ADAMTS17: variants seen among roughly 807,000 people sequenced by gnomAD.
ADAMTS17 encodes A disintegrin and metalloproteinase with thrombospondin motifs 17.
ADAMTS17 carries 113 observed loss-of-function variants against 141.5 expected under a neutral mutation model. The observed-to-expected ratio is 0.80, with a 90% confidence interval of 0.69 to 0.93. The LOEUF is 0.93. ADAMTS17 is among the 40% of genes least tolerant of loss of function. ADAMTS17 has a pLI of 0.00. For missense variants in ADAMTS17, 1,659 were observed against 1,517.9 expected, an observed-to-expected ratio of 1.09 and a Z score of -1.54; for synonymous variants, 768 against 630.6, an observed-to-expected ratio of 1.22 and a Z score of -3.27.
intron 7 of ADAMTS17, among the ~76,000 whole-genome samples, chr15:100,245,053 C>G (rs191198605): frequency 6.6e-6 from 1 of 152,316 alleles, no homozygotes; most frequent in East Asian, 1.9e-4. Context: ...CAACTGCATT[C>G]CAAGCTTGCC....
chr15:99,974,620 G>A (rs577051055), intron 21 of ADAMTS17, 58 bp from the exon 22 acceptor site: 40 of 1,603,694 alleles, frequency 2.5e-5, no homozygotes, highest in East Asian at 1.6e-4. Flanking sequence ...ATGTCCTGAT[G>A]CAGGCACAGG....
intron 13 of ADAMTS17, among the ~76,000 whole-genome samples, chr15:100,112,050 T>C (rs1156847462): frequency 6.6e-6 from 1 of 152,244 alleles, no homozygotes; most frequent in Non-Finnish European, 1.5e-5. Flanking sequence ...ATCCTCTGAT[T>C]CGAGTAGAAG....
chr15:100,170,105 G>A (rs537644324), intron 8 of ADAMTS17, among the ~76,000 whole-genome samples: 3 of 152,212 alleles, frequency 2.0e-5, no homozygotes, highest in African/African-American at 4.8e-5. Flanking sequence ...GAGATGTTAC[G>A]TGGGCACCAA....
At chr15:100,077,283 CAAAAAAAAAAAAAA>C (rs71151934) in intron 15 of ADAMTS17, among the ~76,000 whole-genome samples, 2 of 54,606 alleles carry the variant, frequency 3.7e-5, no homozygotes, top group Admixed American at 3.8e-4. Context: ...ATCTCTACCA[CAAAAAAAAAAAAAA>C]AAAAAAAAAA....
chr15:99,987,837 G>T (rs868743534), intron 20 of ADAMTS17, among the ~76,000 whole-genome samples: 8 of 152,228 alleles, frequency 5.3e-5, no homozygotes, highest in Middle Eastern at 3.4e-3. Context: ...GTGGGGAGGT[G>T]CCCAGCCCCC....
chr15:100,216,594 C>A (rs2041975015), intron 7 of ADAMTS17, among the ~76,000 whole-genome samples: 1 of 152,192 alleles, frequency 6.6e-6, no homozygotes, highest in African/African-American at 2.4e-5. Flanking sequence ...CCTTGCCTGA[C>A]CTGGATTTTG....
At chr15:100,120,639 G>A (rs182854136) in intron 12 of ADAMTS17, among the ~76,000 whole-genome samples, 1 of 152,182 alleles carries the variant, frequency 6.6e-6, no homozygotes, top group African/African-American at 2.4e-5. Context: ...AAAAGATACA[G>A]GTTCAAAAAA....
At chr15:99,984,097 G>A (rs1033184812) in intron 20 of ADAMTS17, among the ~76,000 whole-genome samples, 15 of 152,062 alleles carry the variant, frequency 9.9e-5, no homozygotes, top group Non-Finnish European at 8.8e-5. Flanking sequence ...CTTTCTTCCC[G>A]GCAGTCTCAG....
intron 8 of ADAMTS17, among the ~76,000 whole-genome samples, chr15:100,162,378 T>TTA (rs1259445882): frequency 1.4e-5 from 2 of 147,526 alleles, no homozygotes; most frequent in African/African-American, 2.5e-5. Context: ...TATATATATG[T>TTA]TATATATATA....
At chr15:100,194,171 A>G (rs2041026653) in intron 8 of ADAMTS17, among the ~76,000 whole-genome samples, 1 of 152,168 alleles carries the variant, frequency 6.6e-6, no homozygotes, top group Non-Finnish European at 1.5e-5. Context: ...CCCCACCTAG[A>G]AGGTCCTGTC....
At chr15:100,338,733 G>A (rs906629896) in intron 2 of ADAMTS17, among the ~76,000 whole-genome samples, 6 of 151,938 alleles carry the variant, frequency 3.9e-5, no homozygotes, top group South Asian at 2.1e-4. Context: ...CCTTATAGCC[G>A]AGCCTGTCGT....
chr15:100,126,389 T>C (rs1424480718), intron 12 of ADAMTS17: 7 of 152,090 alleles, frequency 4.6e-5, no homozygotes, highest in Admixed American at 4.6e-4. Flanking sequence ...ACTACCAAGG[T>C]GTAAATATTA....
At chr15:100,340,811 G>T (rs1335370680) in intron 2 of ADAMTS17, among the ~76,000 whole-genome samples, 5 of 152,272 alleles carry the variant, frequency 3.3e-5, no homozygotes, top group South Asian at 2.1e-4. Context: ...CGGGTTCCAC[G>T]GGCTGCAGAG....
chr15:100,020,600 G>A (rs966365394), intron 18 of ADAMTS17, among the ~76,000 whole-genome samples: 4 of 152,138 alleles, frequency 2.6e-5, no homozygotes, highest in African/African-American at 9.7e-5. Flanking sequence ...ACCCTCCGTG[G>A]GTCTATTTTG....
intron 18 of ADAMTS17, among the ~76,000 whole-genome samples, chr15:100,010,408 C>T (rs746026170): frequency 3.9e-5 from 6 of 152,196 alleles, no homozygotes; most frequent in South Asian, 2.1e-4. Context: ...TCCTTCTCTC[C>T]GTGGTGCAGG....
intron 12 of ADAMTS17, among the ~76,000 whole-genome samples, chr15:100,124,939 T>G (rs2037651860): frequency 6.6e-6 from 1 of 152,204 alleles, no homozygotes; most frequent in South Asian, 2.1e-4. Flanking sequence ...GCAGAACATC[T>G]GCCCCTTTCT....
intron 18 of ADAMTS17, among the ~76,000 whole-genome samples, chr15:100,041,708 C>A (rs928247977): frequency 1.3e-5 from 2 of 152,082 alleles, no homozygotes; most frequent in African/African-American, 4.8e-5. Context: ...ATCTGCCATG[C>A]GTGTCAGACT....
chr15:100,210,929 G>C (rs2041781462), intron 7 of ADAMTS17, among the ~76,000 whole-genome samples: 1 of 151,890 alleles, frequency 6.6e-6, no homozygotes, highest in South Asian at 2.1e-4. Context: ...GTGAAACCTC[G>C]ACTCTACTAA....
At chr15:100,111,678 A>T (rs1383491992) in intron 13 of ADAMTS17, among the ~76,000 whole-genome samples, 1 of 152,248 alleles carries the variant, frequency 6.6e-6, no homozygotes, top group East Asian at 1.9e-4. Flanking sequence ...TTGACTCAGT[A>T]CTGGGAGTAA....
Sources: allele counts gnomAD v4.1 joint callset (sites outside exome capture counted in the v4.1 genomes callset), GRCh38; gene constraint gnomAD v4.1.1; transcripts MANE v1.5; gene names NCBI Gene and HGNC (gene_info 2026-07-23, HGNC 2026-07-21).